ZNF354C: variants seen among roughly 807,000 people sequenced by gnomAD.
ZNF354C encodes zinc finger protein 354C, also known as KRAB-zinc finger protein synten.
In ZNF354C, 7 loss-of-function variants were observed where a neutral mutation model predicts 12.4. The observed-to-expected ratio is 0.56, with a 90% CI of 0.32 to 1.06. The LOEUF is 1.06. Ranked by LOEUF, ZNF354C falls within the 50% of genes least tolerant of loss-of-function variation. The pLI is 0.04. For synonymous variants in ZNF354C, 202 were observed against 224.5 expected (o/e 0.90, Z 0.90); for missense variants, 609 against 658.0 (o/e 0.93, Z 0.81).
rs1561752168 is a variant in ZNF354C at position 179,079,279 on chromosome 5, A to T, written c.847A>T (p.Asn283Tyr). Residue 283 changes from asparagine (N) to tyrosine (Y), a missense_variant, in exon 5 of 5, where the codon AAC becomes TAC. Transcript: ENST00000315475. This position sits in a 1 kb window ranked among gnomAD's most constrained non-coding sequence, Gnocchi z 4.2. ...TAATGAATGTGAGAAGGCATTTAGC[A>T]ACAGTTCAACCCTTATCAAACATCT... ...KCNECEKAFS[N>Y]SSTLIKHLRV... 1 of 1,614,098 alleles carries T rather than the reference A, an allele frequency of 6.2e-7. No homozygotes were observed. Among genetic ancestry groups the T allele is most frequent in the Middle Eastern group, 1.7e-4 (1 of 6,060 alleles).
rs775377285 is a variant in ZNF354C, at chr5:179,079,664, C to A, written c.1232C>A (p.Pro411His). The change falls in exon 5 of 5, where the codon CCT becomes CAT. Residue 411 changes from proline to histidine, a missense_variant. Coordinates refer to ENST00000315475, the MANE Select transcript of ZNF354C (RefSeq NM_014594.3). The surrounding 1 kb of genome is among the most constrained non-coding windows in gnomAD (Gnocchi z 4.2). Reference protein sequence around the residue: ...EHQRIHTGQKPYQCNECEKAF... With the variant: ...EHQRIHTGQKHYQCNECEKAF... Reference sequence around the variant, plus strand: ...CAGCGAATTCACACTGGACAAAAACCTTATCAGTGCAACGAATGTGAGAAA... The same window carrying A: ...CAGCGAATTCACACTGGACAAAAACATTATCAGTGCAACGAATGTGAGAAA... 2.0e-5 allele frequency: 33 copies of A among 1,614,036 alleles called. No homozygotes were observed. The highest frequency in any genetic ancestry group is 5.1e-6 in the Non-Finnish European group (6 of 1,180,024).
At chr5:179,077,011 C>T in intron 3 of ZNF354C, 60 bp from the exon 4 acceptor site, 1 of 1,428,394 alleles carries the variant, frequency 7.0e-7, no homozygotes, top group Non-Finnish European at 9.8e-7. Flanking sequence ...AGTAGTAGGT[C>T]AGTTCTAGGA....
At chr5:179,069,561 C>CAA (rs761235131) in intron 2 of ZNF354C, among the ~76,000 whole-genome samples, 18,949 of 77,224 alleles carry the variant, frequency 0.25, 2,261 homozygotes, top group South Asian at 0.37. Flanking sequence ...GACTCCATCT[C>CAA]AAAAAAAAAA....
At chr5:179,077,680 G>A (rs1762142678) in intron 4 of ZNF354C, among the ~76,000 whole-genome samples, 1 of 152,144 alleles carries the variant, frequency 6.6e-6, no homozygotes, top group South Asian at 2.1e-4. Context: ...ACAGATTGTT[G>A]CACAGGGGTG....
intron 2 of ZNF354C, among the ~76,000 whole-genome samples, chr5:179,065,300 C>G (rs572422760): frequency 1.4e-4 from 21 of 152,336 alleles, no homozygotes; most frequent in South Asian, 1.2e-3. Context: ...ACATGACATT[C>G]AGTTTCACAT....
At chr5:179,063,689 T>C (rs544539288) in intron 2 of ZNF354C, among the ~76,000 whole-genome samples, 1 of 152,360 alleles carries the variant, frequency 6.6e-6, no homozygotes, top group South Asian at 2.1e-4. Flanking sequence ...GGACTGTTAA[T>C]ATCTGGATTG....
At chr5:179,063,396 T>C (rs1408121801) in intron 2 of ZNF354C, among the ~76,000 whole-genome samples, 1 of 152,128 alleles carries the variant, frequency 6.6e-6, no homozygotes. Context: ...CTTGTCACTA[T>C]ACAAAATTAA....
At chr5:179,074,149 AT>A (rs1378130766) in intron 2 of ZNF354C, among the ~76,000 whole-genome samples, 2 of 148,124 alleles carry the variant, frequency 1.4e-5, no homozygotes, top group African/African-American at 5.0e-5. Context: ...TGCCCAGCTA[AT>A]TTTTGTATTT....
chr5:179,063,653 T>G (rs751720631), intron 2 of ZNF354C, among the ~76,000 whole-genome samples: 1 of 152,242 alleles, frequency 6.6e-6, no homozygotes, highest in Non-Finnish European at 1.5e-5. Context: ...TCCTTTCATA[T>G]AGTAAGTCAT....
At chr5:179,077,630 G>C (rs1311527773) in intron 4 of ZNF354C, among the ~76,000 whole-genome samples, 1 of 152,012 alleles carries the variant, frequency 6.6e-6, no homozygotes, top group African/African-American at 2.4e-5. Flanking sequence ...TAAAAAGAAA[G>C]GTAATATGAA....
chr5:179,062,884 T>C (rs1761913538), intron 2 of ZNF354C, among the ~76,000 whole-genome samples: 1 of 152,192 alleles, frequency 6.6e-6, no homozygotes, highest in Admixed American at 6.5e-5. Context: ...TCTTTCCCCA[T>C]TTAAGATCCA....
intron 2 of ZNF354C, among the ~76,000 whole-genome samples, chr5:179,066,425 C>T (rs1761959310): frequency 6.6e-6 from 1 of 152,220 alleles, no homozygotes; most frequent in African/African-American, 2.4e-5. Flanking sequence ...ATGTTATCAT[C>T]ATTTGTTCCT....
rs760532308 is a variant in ZNF354C, at chr5:179,079,756, T to C, written c.1324T>C (p.Cys442Arg). 2.5e-5 allele frequency: 40 copies of C among 1,614,034 alleles called. No individual in the cohort carries two copies. Among genetic ancestry groups the C allele is most frequent in the South Asian group, 4.4e-5 (4 of 91,080 alleles). The change falls in exon 5 of 5, where the codon TGT (cysteine) becomes CGT (arginine). Residue 442 changes from cysteine to arginine, a missense_variant. Coordinates refer to ENST00000315475, the MANE Select transcript of ZNF354C (RefSeq NM_014594.3). This position sits in a 1 kb window ranked among gnomAD's most constrained non-coding sequence, Gnocchi z 4.2. ...TCATACTGGGGAAAAACTTTATACA[T>C]GTGAGGAATGTGGGAAAGCCTTTGG... ...KIHTGEKLYT[C>R]EECGKAFGCK...
intron 2 of ZNF354C, among the ~76,000 whole-genome samples, chr5:179,063,340 G>T (rs1314722280): frequency 1.3e-5 from 2 of 152,208 alleles, no homozygotes; most frequent in Non-Finnish European, 2.9e-5. Flanking sequence ...CAGAAGGATT[G>T]CTTGAGCCCA....
chr5:179,073,247 C>T (rs1762073185), intron 2 of ZNF354C, among the ~76,000 whole-genome samples: 2 of 152,042 alleles, frequency 1.3e-5, no homozygotes, highest in Non-Finnish European at 1.5e-5. Flanking sequence ...TAAAATTAAG[C>T]TAATTCATTG....
intron 2 of ZNF354C, among the ~76,000 whole-genome samples, chr5:179,067,393 T>G (rs1301692553): frequency 1.3e-5 from 2 of 152,158 alleles, no homozygotes; most frequent in African/African-American, 4.8e-5. Context: ...TACTTTTTCT[T>G]GGAAGTTACA....
At position 179,079,832 on chromosome 5, in the gene ZNF354C, C is replaced by T. The variant is rs369251328; in HGVS notation, c.1400C>T (p.Pro467Leu). Residue 467 changes from proline to leucine, a missense_variant, in exon 5 of 5, where the codon CCG (proline) becomes CTG (leucine). Physicochemically the swap from Pro to Leu is moderately conservative, Grantham distance 98 (BLOSUM62 -3). Coordinates refer to ENST00000315475, the MANE Select transcript of ZNF354C (RefSeq NM_014594.3). The surrounding 1 kb of genome is among the most constrained non-coding windows in gnomAD (Gnocchi z 4.2). ...RHQRIHTGEK[P>L]YQCNQCGKAF... ...CAGAGAATTCATACTGGAGAGAAACCGTATCAGTGTAATCAGTGTGGAAAG... is the reference window on the plus strand; with the variant it reads ...CAGAGAATTCATACTGGAGAGAAACTGTATCAGTGTAATCAGTGTGGAAAG... The T allele has an allele frequency of 1.1e-5, 18 of 1,613,910 alleles. No homozygotes were observed. Among genetic ancestry groups the T allele is most frequent in the African/African-American group, 2.7e-5 (2 of 74,882 alleles).
At position 179,079,907 on chromosome 5, in the gene ZNF354C, G is replaced by A. The variant is rs1168911564; in HGVS notation, c.1475G>A (p.Gly492Glu). ...ACCGAACATGAGAGGATCCACACTG[G>A]AGAGAAACTGTATAAATGTATGGAA... ...FLTEHERIHTGEKLYKCMECG... is the reference protein window; with the variant it reads ...FLTEHERIHTEEKLYKCMECG... The change falls in exon 5 of 5, where the codon GGA becomes GAA. Residue 492 changes from glycine (G) to glutamate (E), a missense_variant. Coordinates refer to ENST00000315475, the MANE Select transcript of ZNF354C (RefSeq NM_014594.3). The surrounding 1 kb of genome is among the most constrained non-coding windows in gnomAD (Gnocchi z 4.2). The A allele has an allele frequency of 6.2e-7, 1 of 1,613,836 alleles. No homozygotes were observed. The highest frequency in any genetic ancestry group is 2.2e-5 in the East Asian group (1 of 44,882).
intron 2 of ZNF354C, among the ~76,000 whole-genome samples, chr5:179,066,003 G>A (rs539791212): frequency 3.3e-5 from 5 of 152,052 alleles, no homozygotes; most frequent in Admixed American, 1.3e-4. Flanking sequence ...CCACACTTAC[G>A]GCCTGGCAAG....
Sources: allele counts gnomAD v4.1 joint callset (sites outside exome capture counted in the v4.1 genomes callset), GRCh38; gene constraint gnomAD v4.1.1; non-coding constraint Gnocchi (gnomAD v3.1); transcripts MANE v1.5; gene names NCBI Gene and HGNC (gene_info 2026-07-23, HGNC 2026-07-21).